Variants in DYNC1I2 observed in about 807,000 individuals in gnomAD.
DYNC1I2 encodes dynein cytoplasmic 1 intermediate chain 2.
Under a neutral mutation model 88.6 loss-of-function variants are expected in DYNC1I2, and 53 were observed. The ratio of observed to expected loss-of-function variants is 0.60; its 90% CI spans 0.48 to 0.75. The LOEUF (loss-of-function observed/expected upper bound fraction) is 0.75, where lower values mean the gene tolerates loss of function less well. DYNC1I2 is among the 30% of genes least tolerant of loss of function. The pLI, the probability that DYNC1I2 is intolerant of heterozygous loss-of-function variation, is 0.00. For missense variants in DYNC1I2, 458 were observed against 766.6 expected, an observed-to-expected ratio of 0.60 and a Z score of 4.75; for synonymous variants, 198 against 254.6, an observed-to-expected ratio of 0.78 and a Z score of 2.12.
At chr2:171,697,413 T>C (rs907337882) in intron 3 of DYNC1I2, among the ~76,000 whole-genome samples, 5 of 152,234 alleles carry the variant, frequency 3.3e-5, no homozygotes, top group Admixed American at 2.0e-4. Context: ...AATTGGTTTG[T>C]AGACTGTCTC....
At chr2:171,718,621 G>A (rs1339446173) in intron 7 of DYNC1I2, among the ~76,000 whole-genome samples, 5 of 151,914 alleles carry the variant, frequency 3.3e-5, no homozygotes, top group Non-Finnish European at 7.4e-5. Flanking sequence ...TTTTAGTAGA[G>A]ACGGGATTTC....
At chr2:171,692,143 A>G (rs1685446169) in intron 2 of DYNC1I2, among the ~76,000 whole-genome samples, 1 of 152,190 alleles carries the variant, frequency 6.6e-6, no homozygotes, top group Non-Finnish European at 1.5e-5. Flanking sequence ...GTCTTGGATG[A>G]TCTGAGAGTA....
chr2:171,704,588 A>G (rs968090232), intron 3 of DYNC1I2, among the ~76,000 whole-genome samples: 3 of 152,144 alleles, frequency 2.0e-5, no homozygotes, highest in African/African-American at 7.2e-5. Flanking sequence ...ATTAATTAGT[A>G]ATGGTTTATG....
At chr2:171,728,018 G>A in intron 12 of DYNC1I2, 51 bp downstream of exon 12, 1 of 1,581,040 alleles carries the variant, frequency 6.3e-7, no homozygotes, top group East Asian at 2.3e-5. Context: ...TTCATCCTTA[G>A]CTATAATACT....
At chr2:171,700,105 A>G (rs1392671735) in intron 3 of DYNC1I2, among the ~76,000 whole-genome samples, 2 of 151,944 alleles carry the variant, frequency 1.3e-5, no homozygotes, top group East Asian at 3.9e-4. Flanking sequence ...AGCTTTAGTG[A>G]TCTGAAGTCT....
At chr2:171,698,932 C>T (rs529953841) in intron 3 of DYNC1I2, among the ~76,000 whole-genome samples, 1 of 151,920 alleles carries the variant, frequency 6.6e-6, no homozygotes, top group East Asian at 2.0e-4. Context: ...CTCCTGAGCT[C>T]AAGCAATCCA....
At chr2:171,747,683 T>C in intron 17 of DYNC1I2, 93 bp from the exon 18 acceptor site, 1 of 843,932 alleles carries the variant, frequency 1.2e-6, no homozygotes, top group South Asian at 2.1e-5. Flanking sequence ...TATTACTTTT[T>C]AACAGAAAAA....
intron 3 of DYNC1I2, among the ~76,000 whole-genome samples, chr2:171,693,611 A>G (rs1272902268): frequency 6.6e-6 from 1 of 152,168 alleles, no homozygotes; most frequent in East Asian, 1.9e-4. Context: ...TTGGTGGGCT[A>G]ATTTTATCTA....
At chr2:171,745,555 A>G (rs956305423) in intron 16 of DYNC1I2, among the ~76,000 whole-genome samples, 5 of 152,208 alleles carry the variant, frequency 3.3e-5, no homozygotes, top group African/African-American at 1.2e-4. Flanking sequence ...AGACCTTTCA[A>G]AATAATGTGT....
chr2:171,731,093 A>G (rs1303459992), intron 15 of DYNC1I2, among the ~76,000 whole-genome samples: 1 of 152,222 alleles, frequency 6.6e-6, no homozygotes, highest in Admixed American at 6.5e-5. Flanking sequence ...ATAGGCACTT[A>G]CCAATGTTTA....
At chr2:171,719,348 T>C (rs189559805) in intron 7 of DYNC1I2, among the ~76,000 whole-genome samples, 355 of 152,308 alleles carry the variant, frequency 2.3e-3, no homozygotes, top group Non-Finnish European at 4.0e-3. Flanking sequence ...TTTCCCAAAG[T>C]GTATAAGTTT....
In DYNC1I2 at chr2:171,690,224, G is replaced by A. The variant is rs1456359267; in HGVS notation, c.69G>A (p.Glu23=). The stretch of plus-strand genomic sequence containing the variant: ...AGCAGCGACTGGCCCAAATCAGAGA[G>A]GAAAAGAAGAGAAAAGAAGAAGAAA... The part of the protein sequence containing the change: ...RKKQRLAQIR[E]EKKRKEEERK... The change falls in exon 2 of 18, where the codon GAG becomes GAA. Residue 23 remains glutamate (E), a synonymous_variant. Coordinates refer to ENST00000397119, the MANE Select transcript of DYNC1I2 (RefSeq NM_001378.3). 3.9e-6 allele frequency: 6 copies of A among 1,545,262 alleles called. No individual in the cohort carries two copies. Among genetic ancestry groups the A allele is most frequent in the Non-Finnish European group, 1.7e-6 (2 of 1,144,686 alleles).
At position 171,749,311 on chromosome 2, in the gene DYNC1I2, T is replaced by A. The variant is rs1689973627; in HGVS notation, c.*1422T>A. On this transcript the variant is annotated 3_prime_UTR_variant, in exon 18 of 18. Transcript: ENST00000397119. ...TTTCTGAATTTTCTTTCAGCTCTAC[T>A]CAATTAAGGGGTATCAGTATGTGAA... Among the ~76,000 whole-genome samples the A allele has an allele frequency of 6.6e-6, 1 of 152,164 alleles. No homozygotes were observed. Among genetic ancestry groups the A allele is most frequent in the East Asian group, 1.9e-4 (1 of 5,200 alleles).
At chr2:171,721,347 G>A (rs1175679441) in intron 7 of DYNC1I2, among the ~76,000 whole-genome samples, 2 of 151,986 alleles carry the variant, frequency 1.3e-5, no homozygotes, top group East Asian at 1.9e-4. Flanking sequence ...TGTAAAAAAA[G>A]AAAGGGAATG....
At chr2:171,726,124 ATTACT>A in intron 9 of DYNC1I2, 43 bp downstream of exon 9, 2 of 1,560,384 alleles carry the variant, frequency 1.3e-6, no homozygotes, top group Non-Finnish European at 1.7e-6. Context: ...ATAATGTTAA[ATTACT>A]TTAAGATTAA....
At position 171,707,364 on chromosome 2, in the gene DYNC1I2, G is replaced by T; in HGVS notation, c.322G>T (p.Ala108Ser). Residue 108 changes from alanine (A) to serine (S), a missense_variant, in exon 5 of 18, where the codon GCC becomes TCC. Transcript: ENST00000397119. Reference protein sequence around the residue: ...EAGSQDSGDGAVGSRTLHWDT... With the variant: ...EAGSQDSGDGSVGSRTLHWDT... The stretch of plus-strand genomic sequence containing the variant: ...TGGAAGCCAAGACTCTGGAGATGGC[G>T]CCGTGGGATCTAGGTACAGTAATTT... 6.2e-7 allele frequency: 1 copy of T among 1,612,960 alleles called. No homozygotes were observed. The highest frequency in any genetic ancestry group is 8.5e-7 in the Non-Finnish European group (1 of 1,179,540).
Position 171,733,649 on chromosome 2 carries a change from G to A in DYNC1I2, c.1536+3796G>A, listed in dbSNP as rs182065885. ...TGGGGTTGTTTTCTTGTAAATTTAA[G>A]TTCCTTATAGATGCCGGATATTAGA... On this transcript the variant is annotated intron_variant, in intron 15 of 17. Transcript: ENST00000397119. Among the ~76,000 whole-genome samples the A allele has an allele frequency of 1.1e-3, 160 of 151,270 alleles. 1 individual carries two copies. The highest frequency in any genetic ancestry group is 3.8e-3 in the African/African-American group (157 of 41,290).
chr2:171,688,119 CGCCCTGCCGTGG>C (rs1450299645), intron 1 of DYNC1I2: 1 of 152,330 alleles, frequency 6.6e-6, no homozygotes, highest in Non-Finnish European at 1.5e-5. Context: ...TTCTTCCGGA[CGCCCTGCCGTGG>C]ACCGCGCCCT....
chr2:171,691,710 C>T (rs1278433777), intron 2 of DYNC1I2, among the ~76,000 whole-genome samples: 1 of 152,132 alleles, frequency 6.6e-6, no homozygotes, highest in East Asian at 1.9e-4. Context: ...TAAACATTTC[C>T]GTGCTGAGAG....
Sources: gnomAD v4.1 joint callset for allele counts (sites outside exome capture counted in the v4.1 genomes callset) on GRCh38, gnomAD v4.1.1 for gene constraint, MANE v1.5 for transcripts, NCBI Gene and HGNC (gene_info 2026-07-23, HGNC 2026-07-21) for gene names.